CNTNAP2: variants seen among roughly 807,000 people sequenced by gnomAD.
CNTNAP2 encodes the protein contactin-associated protein-like 2.
In CNTNAP2, 98 loss-of-function variants were observed where a neutral mutation model predicts 155.2. That is an observed-to-expected ratio of 0.63 (90% CI 0.54 to 0.75). The LOEUF is 0.75. Ranked by LOEUF, CNTNAP2 falls within the 30% of genes least tolerant of loss-of-function variation. CNTNAP2 has a pLI of 0.00. For missense variants in CNTNAP2, 1,727 were observed against 1,688.1 expected, an observed-to-expected ratio of 1.02 and a Z score of -0.40; for synonymous variants, 651 against 631.2, an observed-to-expected ratio of 1.03 and a Z score of -0.47.
At chr7:146,928,608 G>A (rs1040988846) in intron 3 of CNTNAP2, among the ~76,000 whole-genome samples, 16 of 152,092 alleles carry the variant, frequency 1.1e-4, no homozygotes, top group South Asian at 4.1e-4. Context: ...GCAGCGCACC[G>A]TGCACGAGCC....
chr7:146,462,607 AAT>A (rs571822710), intron 1 of CNTNAP2, among the ~76,000 whole-genome samples: 60 of 152,326 alleles, frequency 3.9e-4, no homozygotes, highest in African/African-American at 1.4e-3. Flanking sequence ...TTGTTTTCAG[AAT>A]ATCTCTTATC....
chr7:146,743,550 T>A (rs1056370712), intron 1 of CNTNAP2, among the ~76,000 whole-genome samples: 1 of 151,948 alleles, frequency 6.6e-6, no homozygotes, highest in African/African-American at 2.4e-5. Context: ...TTCACTCTTC[T>A]ATGCACTCCT....
intron 8 of CNTNAP2, among the ~76,000 whole-genome samples, chr7:147,256,588 GAAC>G (rs1174135044): frequency 2.6e-5 from 4 of 152,068 alleles, no homozygotes; most frequent in Non-Finnish European, 5.9e-5. Context: ...TAAAGAGGTA[GAAC>G]AATAGAAAAT....
intron 1 of CNTNAP2, among the ~76,000 whole-genome samples, chr7:146,292,030 TAGAA>T (rs2129086756): frequency 1.3e-5 from 2 of 152,124 alleles, no homozygotes; most frequent in South Asian, 4.2e-4. Flanking sequence ...AACAAATATA[TAGAA>T]AGAATACAAA....
intron 9 of CNTNAP2, among the ~76,000 whole-genome samples, chr7:147,322,441 C>G (rs1285244296): frequency 6.6e-6 from 1 of 152,126 alleles, no homozygotes; most frequent in Non-Finnish European, 1.5e-5. Context: ...AATATTTATT[C>G]CCTCCGTGAG....
At chr7:146,483,302 T>TATATATATATATATATATATATATATAC (rs1425429074) in intron 1 of CNTNAP2, among the ~76,000 whole-genome samples, 2 of 74,344 alleles carry the variant, frequency 2.7e-5, no homozygotes, top group Non-Finnish European at 2.4e-5. Flanking sequence ...TATATATATA[T>TATATATATATATATATATATATATATAC]ATATATATAT....
intron 3 of CNTNAP2, among the ~76,000 whole-genome samples, chr7:146,992,533 A>G (rs1372926794): frequency 6.6e-6 from 1 of 152,020 alleles, no homozygotes; most frequent in Non-Finnish European, 1.5e-5. Flanking sequence ...TGCCTCATAG[A>G]TTGAATCCCA....
chr7:147,278,306 T>A (rs1804949908), intron 8 of CNTNAP2, among the ~76,000 whole-genome samples: 1 of 151,784 alleles, frequency 6.6e-6, no homozygotes, highest in Non-Finnish European at 1.5e-5. Flanking sequence ...TCTTTTAATA[T>A]TAAGCAATGT....
chr7:146,911,852 CATT>C (rs1207122613), intron 3 of CNTNAP2, among the ~76,000 whole-genome samples: 1 of 152,032 alleles, frequency 6.6e-6, no homozygotes, highest in African/African-American at 2.4e-5. Flanking sequence ...TCTTCAAGAA[CATT>C]ATAACCATTA....
chr7:147,598,785 C>T (rs996021933), intron 12 of CNTNAP2, among the ~76,000 whole-genome samples: 2 of 151,990 alleles, frequency 1.3e-5, no homozygotes, highest in African/African-American at 2.4e-5. Context: ...ATCATGGGGG[C>T]GGTTACCCTC....
At chr7:147,723,494 G>A (rs959204045) in intron 13 of CNTNAP2, among the ~76,000 whole-genome samples, 3 of 151,812 alleles carry the variant, frequency 2.0e-5, no homozygotes, top group African/African-American at 7.3e-5. Flanking sequence ...CATCTTCATC[G>A]GGACATTGGT....
At chr7:146,596,446 C>T (rs1486024026) in intron 1 of CNTNAP2, among the ~76,000 whole-genome samples, 1 of 151,844 alleles carries the variant, frequency 6.6e-6, no homozygotes, top group Non-Finnish European at 1.5e-5. Context: ...TAGAAGAGTG[C>T]ATAGGTTATG....
intron 16 of CNTNAP2, among the ~76,000 whole-genome samples, chr7:148,136,864 T>C (rs566496726): frequency 1.1e-4 from 17 of 152,336 alleles, no homozygotes; most frequent in African/African-American, 3.8e-4. Context: ...GTATTTTATA[T>C]GCGCAGTCTT....
intron 11 of CNTNAP2, among the ~76,000 whole-genome samples, chr7:147,545,966 C>G (rs987214829): frequency 6.6e-6 from 1 of 152,144 alleles, no homozygotes; most frequent in Admixed American, 6.6e-5. Flanking sequence ...GTCTCATTCT[C>G]TCTTGCCTGC....
chr7:147,330,067 G>A (rs566619291), intron 9 of CNTNAP2, among the ~76,000 whole-genome samples: 3 of 152,118 alleles, frequency 2.0e-5, no homozygotes, highest in African/African-American at 7.2e-5. Context: ...CCAACTTAGG[G>A]CGAAACCCCT....
intron 22 of CNTNAP2, among the ~76,000 whole-genome samples, chr7:148,401,328 C>T (rs1203398116): frequency 1.3e-5 from 2 of 152,188 alleles, no homozygotes; most frequent in Non-Finnish European, 2.9e-5. Context: ...GCATTTTTGC[C>T]TCCTTAACTG....
intron 12 of CNTNAP2, among the ~76,000 whole-genome samples, chr7:147,600,128 G>A (rs1392723182): frequency 6.6e-6 from 1 of 152,142 alleles, no homozygotes; most frequent in Non-Finnish European, 1.5e-5. Flanking sequence ...ACAGACCCTG[G>A]TCATGGGCGT....
Position 147,156,138 on chromosome 7 carries a change from T to G in CNTNAP2, c.1348+23629T>G, listed in dbSNP as rs61138228. Among the ~76,000 whole-genome samples the G allele has an allele frequency of 9.2e-3, 1,392 of 152,112 alleles. 24 individuals carry two copies. The highest frequency in any genetic ancestry group is 0.032 in the African/African-American group (1,339 of 41,484). ...CAGCTGGTAAAGGAGAAAGGTAGATTTCGGAGCCTCATACCCAGCATCACA... is the reference window on the plus strand; with the variant it reads ...CAGCTGGTAAAGGAGAAAGGTAGATGTCGGAGCCTCATACCCAGCATCACA... On this transcript the variant is annotated intron_variant, in intron 8 of 23. Coordinates refer to ENST00000361727, the MANE Select transcript of CNTNAP2 (RefSeq NM_014141.6).
intron 1 of CNTNAP2, among the ~76,000 whole-genome samples, chr7:146,501,611 G>T (rs1797301180): frequency 6.6e-6 from 1 of 152,078 alleles, no homozygotes; most frequent in South Asian, 2.1e-4. Flanking sequence ...TAAGTAATTA[G>T]AGTATTCTTT....
Sources: gnomAD v4.1 joint callset for allele counts (sites outside exome capture counted in the v4.1 genomes callset) on GRCh38, gnomAD v4.1.1 for gene constraint, MANE v1.5 for transcripts, NCBI Gene and HGNC (gene_info 2026-07-23, HGNC 2026-07-21) for gene names.